Variants in PPFIA1 observed in about 807,000 individuals in gnomAD.
The protein encoded by PPFIA1 is liprin-alpha-1.
Under a neutral mutation model 149.9 loss-of-function variants are expected in PPFIA1, and 25 were observed. The observed-to-expected ratio is 0.17, with a 90% CI of 0.12 to 0.23. PPFIA1 has a LOEUF of 0.23. Among genes scored for constraint, PPFIA1 ranks in the 10% least tolerant of loss-of-function variants. The probability of loss-of-function intolerance (pLI) is 1.00; values close to 1 mark genes in which losing one functional copy is unlikely to be tolerated. For synonymous variants in PPFIA1, 549 were observed against 552.8 expected (o/e 0.99, Z 0.10); for missense variants, 1,362 against 1,506.5 (o/e 0.90, Z 1.59).
intron 22 of PPFIA1, 43 bp from the exon 23 acceptor site, chr11:70,372,434 C>T (rs778989293): frequency 1.2e-6 from 2 of 1,612,320 alleles, no homozygotes; most frequent in East Asian, 2.2e-5. Context: ...TAAGATTTTT[C>T]ACTGTTACCA....
chr11:70,335,087 T>G (rs865835702), intron 10 of PPFIA1, among the ~76,000 whole-genome samples: 1 of 152,184 alleles, frequency 6.6e-6, no homozygotes, highest in African/African-American at 2.4e-5. Context: ...CATAAAGATA[T>G]AAAGAAAAAA....
intron 9 of PPFIA1, chr11:70,333,174 A>G: frequency 1.9e-6 from 1 of 519,420 alleles, no homozygotes; most frequent in South Asian, 1.6e-5. Context: ...GAAGCAGTCC[A>G]AGGATGGGAG....
At chr11:70,336,317 C>T (rs2054976087) in intron 11 of PPFIA1, among the ~76,000 whole-genome samples, 1 of 152,154 alleles carries the variant, frequency 6.6e-6, no homozygotes, top group African/African-American at 2.4e-5. Context: ...GCCTGGCCAA[C>T]ATGGCCAAAC....
intron 16 of PPFIA1, chr11:70,350,174 T>G: frequency 3.4e-6 from 1 of 297,874 alleles, no homozygotes; most frequent in Non-Finnish European, 6.5e-6. Context: ...TACTATATAG[T>G]AAGTATGGAT....
At chr11:70,343,120 G>A (rs551940160) in intron 14 of PPFIA1, among the ~76,000 whole-genome samples, 1 of 151,826 alleles carries the variant, frequency 6.6e-6, no homozygotes, top group African/African-American at 2.4e-5. Context: ...GCTAATTTTT[G>A]TATTTTTAGT....
At chr11:70,276,183 T>C (rs2050371275) in intron 2 of PPFIA1, among the ~76,000 whole-genome samples, 1 of 152,086 alleles carries the variant, frequency 6.6e-6, no homozygotes, top group African/African-American at 2.4e-5. Context: ...CATAGCTCGC[T>C]GTAGCCTTGA....
chr11:70,382,249 T>G (rs1159481841), intron 27 of PPFIA1, 91 bp downstream of exon 27: 2 of 871,144 alleles, frequency 2.3e-6, no homozygotes, highest in African/African-American at 1.7e-5. Context: ...GTGTGGACCA[T>G]GAAAGCCAGT....
rs201346855 is a variant in PPFIA1 at position 70,294,549 on chromosome 11, T to TC, written c.264+22113_264+22114insC. ...GGAAATGGTGAGAATTTTCTTTCTT[T>TC]TTTTTTTTTTAATTTTTATTTTTAT... On this transcript the variant is annotated intron_variant, in intron 2 of 27. Coordinates refer to ENST00000253925, the MANE Select transcript of PPFIA1 (RefSeq NM_003626.5). Among the ~76,000 whole-genome samples, 468 of 150,228 alleles carry TC rather than the reference T, an allele frequency of 3.1e-3. 3 individuals carry two copies. Among genetic ancestry groups the TC allele is most frequent in the African/African-American group, 0.011 (442 of 40,606 alleles).
intron 15 of PPFIA1, among the ~76,000 whole-genome samples, chr11:70,347,406 A>T (rs1047957652): frequency 1.4e-4 from 21 of 152,210 alleles, no homozygotes. Flanking sequence ...GTAGTATATT[A>T]AAAAAGATTG....
At chr11:70,358,436 TTG>T (rs2056463120) in intron 19 of PPFIA1, 1 of 152,174 alleles carries the variant, frequency 6.6e-6, no homozygotes, top group Admixed American at 6.5e-5. Context: ...TTGGCCAGGC[TTG>T]TTTCGAATTC....
chr11:70,323,684 A>G (rs1407814876), intron 2 of PPFIA1, among the ~76,000 whole-genome samples: 2 of 152,380 alleles, frequency 1.3e-5, no homozygotes, highest in African/African-American at 4.8e-5. Context: ...AACGATCTCC[A>G]GAGTCTCAGA....
At position 70,337,176 on chromosome 11, in the gene PPFIA1, TAGTA is replaced by T. The variant is rs1396662123; in HGVS notation, c.1429-186_1429-183del. On this transcript the variant is annotated intron_variant, in intron 11 of 27. Coordinates refer to ENST00000253925, the MANE Select transcript of PPFIA1 (RefSeq NM_003626.5). ...TTCAGTTGGTGAGGAGTAGATATAT[TAGTA>T]AGAGATATAAGAGAAGGTGTCGCCG... 3.9e-5 allele frequency among the ~76,000 whole-genome samples: 6 copies of T among 152,270 alleles called. No homozygotes were observed. In the South Asian group the frequency reaches 6.2e-4, roughly 16 times the overall value.
At chr11:70,356,114 C>T (rs2056348204) in intron 18 of PPFIA1, 47 bp from the exon 19 acceptor site, 1 of 1,414,190 alleles carries the variant, frequency 7.1e-7, no homozygotes, top group Non-Finnish European at 1.0e-6. Flanking sequence ...AAACATAGAG[C>T]TTTGTCATGC....
intron 18 of PPFIA1, 51 bp from the exon 19 acceptor site, chr11:70,356,110 A>C: frequency 7.2e-7 from 1 of 1,391,216 alleles, no homozygotes; most frequent in Non-Finnish European, 1.0e-6. Context: ...ATGAAAACAT[A>C]GAGCTTTGTC....
At chr11:70,312,001 C>T (rs1427746665) in intron 2 of PPFIA1, among the ~76,000 whole-genome samples, 2 of 151,700 alleles carry the variant, frequency 1.3e-5, no homozygotes, top group East Asian at 1.9e-4. Flanking sequence ...CACCACCACG[C>T]CTGGCTATTT....
chr11:70,376,004 T>G (rs1405031797), intron 24 of PPFIA1, among the ~76,000 whole-genome samples: 5 of 151,394 alleles, frequency 3.3e-5, no homozygotes, highest in African/African-American at 1.2e-4. Flanking sequence ...TTTGTTTGTT[T>G]TGAGATGGAG....
intron 2 of PPFIA1, among the ~76,000 whole-genome samples, chr11:70,274,809 C>G (rs1388104855): frequency 3.3e-5 from 5 of 152,038 alleles, no homozygotes; most frequent in Non-Finnish European, 7.4e-5. Context: ...GCCTCCACCT[C>G]CCAGGTTGAA....
chr11:70,316,283 G>A (rs2053622514), intron 2 of PPFIA1, among the ~76,000 whole-genome samples: 1 of 152,074 alleles, frequency 6.6e-6, no homozygotes, highest in African/African-American at 2.4e-5. Flanking sequence ...TTTTGGACAG[G>A]CTGGTCTTGA....
In PPFIA1 at chr11:70,362,150, G is replaced by A. The variant is rs1464722210; in HGVS notation, c.2638G>A (p.Gly880Arg). ...RQGLPFAQWD[G>R]PTVVVWLELW... The stretch of plus-strand genomic sequence containing the variant: ...AGGTTTACCTTTTGCCCAATGGGAC[G>A]GGCCAACGGTTGTGGTCTGGCTAGA... The change falls in exon 20 of 28, where the codon GGG becomes AGG. Residue 880 changes from glycine to arginine, a missense_variant. By Grantham distance (125) the Gly-to-Arg change is moderately radical. Coordinates refer to ENST00000253925, the MANE Select transcript of PPFIA1 (RefSeq NM_003626.5). The A allele has an allele frequency of 1.9e-6, 3 of 1,614,176 alleles. No homozygotes were observed. Among genetic ancestry groups the A allele is most frequent in the South Asian group, 1.1e-5 (1 of 91,082 alleles).
Sources: allele counts gnomAD v4.1 joint callset (sites outside exome capture counted in the v4.1 genomes callset), GRCh38; gene constraint gnomAD v4.1.1; transcripts MANE v1.5; gene names NCBI Gene and HGNC (gene_info 2026-07-23, HGNC 2026-07-21).